Variants in FBXO42 observed in about 807,000 individuals in gnomAD.
The protein encoded by FBXO42 is F-box only protein 42.
FBXO42 carries 12 observed loss-of-function variants against 71.7 expected under a neutral mutation model. The observed-to-expected ratio is 0.17, with a 90% CI of 0.11 to 0.27. The LOEUF (loss-of-function observed/expected upper bound fraction) is 0.27. FBXO42 is among the 10% of genes least tolerant of loss of function. The pLI is 1.00. For missense variants in FBXO42, 707 were observed against 911.9 expected (o/e 0.78, Z 2.89); for synonymous variants, 325 against 327.5 (o/e 0.99, Z 0.08).
At chr1:16,304,157 C>T (rs1322037323) in intron 3 of FBXO42, among the ~76,000 whole-genome samples, 1 of 148,494 alleles carries the variant, frequency 6.7e-6, no homozygotes, top group East Asian at 2.0e-4. Context: ...ACTCTTGTTG[C>T]CCAGGCTGGA....
At chr1:16,297,146 G>C (rs967550287) in intron 3 of FBXO42, among the ~76,000 whole-genome samples, 6 of 152,020 alleles carry the variant, frequency 3.9e-5, no homozygotes, top group African/African-American at 1.4e-4. Context: ...GTTTCACCGT[G>C]TTGGCCAAGC....
At chr1:16,341,723 C>A (rs1003814024) in intron 1 of FBXO42, among the ~76,000 whole-genome samples, 1 of 151,200 alleles carries the variant, frequency 6.6e-6, no homozygotes, top group Non-Finnish European at 1.5e-5. Flanking sequence ...GTAATCCCAG[C>A]GCTTTGGTAG....
In FBXO42 at chr1:16,251,213, C is replaced by A. The variant is rs938857421; in HGVS notation, c.1611G>T (p.Val537=). The A allele has an allele frequency of 1.9e-6, 3 of 1,614,046 alleles. No homozygotes were observed. The highest frequency in any genetic ancestry group is 2.5e-6 in the Non-Finnish European group (3 of 1,180,042). Residue 537 remains valine, a synonymous_variant, in exon 10 of 10, where the codon GTG becomes GTT. Transcript: ENST00000375592. This position sits in a 1 kb window ranked among gnomAD's most constrained non-coding sequence, Gnocchi z 4.5. ...MRHPPEQTNG[V]HTPPHVASAL... ...CACTGGCCACGTGAGGTGGGGTATG[C>A]ACACCATTTGTCTGTTCAGGAGGGT...
chr1:16,284,094 T>C (rs979148563), intron 4 of FBXO42, among the ~76,000 whole-genome samples: 4 of 152,218 alleles, frequency 2.6e-5, no homozygotes, highest in African/African-American at 9.7e-5. Context: ...GTTTTGGGAA[T>C]TGAACAAAGG....
chr1:16,308,493 TC>T (rs1018378552), intron 2 of FBXO42, among the ~76,000 whole-genome samples: 1 of 133,508 alleles, frequency 7.5e-6, no homozygotes, highest in African/African-American at 2.9e-5. Flanking sequence ...GACCCATCTC[TC>T]TTTTTTTTTT....
At chr1:16,352,042 A>T (rs760767174) in intron 1 of FBXO42, among the ~76,000 whole-genome samples, 1 of 152,088 alleles carries the variant, frequency 6.6e-6, no homozygotes, top group Non-Finnish European at 1.5e-5. Context: ...GTTCGCTCCC[A>T]ACCCAAGGGC....
chr1:16,339,978 C>T (rs1370009091), intron 1 of FBXO42, among the ~76,000 whole-genome samples: 1 of 151,946 alleles, frequency 6.6e-6, no homozygotes, highest in East Asian at 1.9e-4. Flanking sequence ...AAGTAAATTA[C>T]CATCCTGGCT....
intron 4 of FBXO42, among the ~76,000 whole-genome samples, chr1:16,276,485 G>T (rs2081904940): frequency 6.6e-6 from 1 of 152,036 alleles, no homozygotes; most frequent in African/African-American, 2.4e-5. Flanking sequence ...TTGAGCACGA[G>T]CCATGAATTG....
At chr1:16,299,346 C>A (rs1285006244) in intron 3 of FBXO42, among the ~76,000 whole-genome samples, 3 of 152,146 alleles carry the variant, frequency 2.0e-5, no homozygotes, top group Non-Finnish European at 2.9e-5. Context: ...GAAAACCCAG[C>A]CAACAGCGGG....
chr1:16,338,804 CTTT>C (rs71574177), intron 1 of FBXO42, among the ~76,000 whole-genome samples: 2 of 80,960 alleles, frequency 2.5e-5, no homozygotes, highest in African/African-American at 4.7e-5. Flanking sequence ...TTCCATTTGT[CTTT>C]TTTTTTTTTT....
chr1:16,330,082 A>G (rs1478931509), intron 1 of FBXO42, among the ~76,000 whole-genome samples: 3 of 152,250 alleles, frequency 2.0e-5, no homozygotes, highest in Non-Finnish European at 4.4e-5. Context: ...AGGTGAAGTT[A>G]TTATATTATT....
intron 4 of FBXO42, among the ~76,000 whole-genome samples, chr1:16,286,249 A>G (rs557685767): frequency 1.3e-5 from 2 of 152,230 alleles, no homozygotes; most frequent in African/African-American, 4.8e-5. Context: ...GGATTAGTCT[A>G]TTCTCACAGT....
At chr1:16,280,127 C>G (rs1432832236) in intron 4 of FBXO42, among the ~76,000 whole-genome samples, 2 of 152,134 alleles carry the variant, frequency 1.3e-5, no homozygotes, top group Non-Finnish European at 2.9e-5. Context: ...GGATTATAGG[C>G]GTGAGCCACC....
Position 16,247,517 on chromosome 1 carries a change from G to C in FBXO42, c.*3153C>G, listed in dbSNP as rs1217327783. The C allele has an allele frequency of 2.0e-5, 3 of 150,988 alleles. No homozygotes were observed. Among genetic ancestry groups the C allele is most frequent in the Non-Finnish European group, 4.4e-5 (3 of 67,564 alleles). The allele number at this position is 150,988 out of a possible 1,614,324, so 9.4% of individuals were successfully genotyped here. On this transcript the variant is annotated 3_prime_UTR_variant, in exon 10 of 10. Transcript: ENST00000375592. ...GTGGCTTTCTGTCCTCCAAAGTCAAGGCTTCTTAAGTTGGTTTTCTTTCTT... is the reference window on the plus strand; with the variant it reads ...GTGGCTTTCTGTCCTCCAAAGTCAACGCTTCTTAAGTTGGTTTTCTTTCTT...
At chr1:16,305,332 G>A (rs916596454) in intron 3 of FBXO42, among the ~76,000 whole-genome samples, 1 of 152,162 alleles carries the variant, frequency 6.6e-6, no homozygotes. Context: ...AGGCTGCAGT[G>A]ACCCATGATC....
intron 4 of FBXO42, among the ~76,000 whole-genome samples, chr1:16,268,911 G>A (rs1212287940): frequency 1.4e-4 from 21 of 150,404 alleles, no homozygotes; most frequent in Admixed American, 1.4e-3. Flanking sequence ...CTTGAACCCG[G>A]GATTCTCCGG....
chr1:16,331,394 G>A lies in FBXO42; in HGVS notation c.-17-15959C>T, dbSNP rs544009113. Among the ~76,000 whole-genome samples the A allele has an allele frequency of 2.3e-4, 35 of 151,004 alleles. No individual in the cohort carries two copies. The East Asian group carries it at 6.1e-3, about 26-fold the overall frequency. On this transcript the variant is annotated intron_variant, in intron 1 of 9. Coordinates refer to ENST00000375592, the MANE Select transcript of FBXO42 (RefSeq NM_018994.3). ...CGTGCCACTGCACTCCAGCCTGGGCGACAGAGCGAGACTCTGTCTCAAAAA... is the reference window on the plus strand; with the variant it reads ...CGTGCCACTGCACTCCAGCCTGGGCAACAGAGCGAGACTCTGTCTCAAAAA...
chr1:16,294,297 G>A (rs1266695992), intron 4 of FBXO42: 3 of 153,346 alleles, frequency 2.0e-5, no homozygotes, highest in African/African-American at 7.2e-5. Flanking sequence ...GGGTAGGAAT[G>A]TACCTACTGT....
intron 1 of FBXO42, among the ~76,000 whole-genome samples, chr1:16,328,457 T>C (rs983295137): frequency 1.3e-5 from 2 of 152,196 alleles, no homozygotes; most frequent in Admixed American, 6.6e-5. Context: ...AGTTGGCAGA[T>C]GGCTAGACCA....
Sources: gnomAD v4.1 joint callset for allele counts (sites outside exome capture counted in the v4.1 genomes callset) on GRCh38, gnomAD v4.1.1 for gene constraint, Gnocchi (gnomAD v3.1) non-coding constraint, MANE v1.5 for transcripts, NCBI Gene and HGNC (gene_info 2026-07-23, HGNC 2026-07-21) for gene names.